ALMS1: variants seen among roughly 807,000 people sequenced by gnomAD.
ALMS1 encodes ALMS1 centrosome and basal body associated protein, also known as centrosome-associated protein ALMS1.
In ALMS1, 271 loss-of-function variants were observed where a neutral mutation model predicts 352.2. The observed-to-expected ratio is 0.77, with a 90% confidence interval of 0.70 to 0.85. The LOEUF is 0.85. ALMS1 is among the 40% of genes least tolerant of loss of function. ALMS1 has a pLI of 0.00. For synonymous variants in ALMS1, 1,865 were observed against 1,761.2 expected, an observed-to-expected ratio of 1.06 and a Z score of -1.48; for missense variants, 5,445 against 4,870.7, an observed-to-expected ratio of 1.12 and a Z score of -3.51.
intron 7 of ALMS1, among the ~76,000 whole-genome samples, chr2:73,435,498 A>G (rs1472538301): frequency 6.6e-6 from 1 of 151,118 alleles, no homozygotes; most frequent in Non-Finnish European, 1.5e-5. Context: ...ACTTAATTCT[A>G]GTATGGTACA....
intron 16 of ALMS1, among the ~76,000 whole-genome samples, chr2:73,581,840 G>A (rs910598827): frequency 6.6e-6 from 1 of 151,916 alleles, no homozygotes; most frequent in East Asian, 1.9e-4. Flanking sequence ...TGCCTCCTGG[G>A]TTCAAGCGAT....
chr2:73,414,489 G>GTTTTTTTTTTTTCTT (rs11395837), intron 2 of ALMS1, among the ~76,000 whole-genome samples: 1 of 94,246 alleles, frequency 1.1e-5, no homozygotes, highest in Non-Finnish European at 2.0e-5. Context: ...TTTTTTTTTT[G>GTTTTTTTTTTTTCTT]TTTTTTTTTT....
At chr2:73,606,437 A>C (rs1414542913) in intron 21 of ALMS1, among the ~76,000 whole-genome samples, 3 of 152,226 alleles carry the variant, frequency 2.0e-5, no homozygotes, top group African/African-American at 7.2e-5. Context: ...CACCTCAGCA[A>C]GAGCAGTCCC....
intron 9 of ALMS1, among the ~76,000 whole-genome samples, chr2:73,472,720 G>A (rs574938048): frequency 1.0e-3 from 158 of 152,156 alleles, no homozygotes; most frequent in Non-Finnish European, 1.4e-3. Context: ...TTTGAAGACA[G>A]CAGCTTATAC....
Position 73,490,250 on chromosome 2 carries a change from T to C in ALMS1, c.8291T>C (p.Leu2764Pro). The C allele has an allele frequency of 6.2e-7, 1 of 1,614,128 alleles. No homozygotes were observed. Among genetic ancestry groups the C allele is most frequent in the South Asian group, 1.1e-5 (1 of 91,060 alleles). ...FTEEQNPPRD[L>P]KQKTSSPSSF... is the part of the protein sequence containing the mutation. ...GAAGAACAAAATCCTCCCAGAGATC[T>C]TAAACAGAAAACCTCTTCCCCTTCA... Residue 2764 changes from leucine to proline, a missense_variant, in exon 10 of 23, where the codon CTT (leucine) becomes CCT (proline). By Grantham distance (98) the Leu-to-Pro change is moderately conservative. Coordinates refer to ENST00000613296, the MANE Select transcript of ALMS1 (RefSeq NM_001378454.1).
intron 13 of ALMS1, among the ~76,000 whole-genome samples, chr2:73,551,529 C>T (rs971755497): frequency 4.0e-5 from 6 of 150,062 alleles, no homozygotes; most frequent in African/African-American, 1.2e-4. Flanking sequence ...CTTCACCTCC[C>T]GGGTTCAAGC....
chr2:73,582,919 G>A (rs981399327), intron 16 of ALMS1, among the ~76,000 whole-genome samples: 1 of 152,078 alleles, frequency 6.6e-6, no homozygotes, highest in African/African-American at 2.4e-5. Context: ...ATCATATATA[G>A]TAGTTCTATT....
Position 73,410,527 on chromosome 2 carries a change from A to G in ALMS1, c.450+1780A>G, listed in dbSNP as rs1231331997. Among the ~76,000 whole-genome samples, 8 of 152,320 alleles carry G rather than the reference A, an allele frequency of 5.3e-5. No individual in the cohort carries two copies. In the East Asian group the frequency reaches 7.7e-4, roughly 15 times the overall value. ...AGTCATTTTGATACATAAATTACCT[A>G]TCATAGCTGGATTCTCAGTCTGCTC... is the stretch of plus-strand genomic sequence containing the variant. On this transcript the variant is annotated intron_variant, in intron 2 of 22. Transcript: ENST00000613296.
chr2:73,433,823 A>G (rs957150514), intron 7 of ALMS1, among the ~76,000 whole-genome samples: 2 of 152,182 alleles, frequency 1.3e-5, no homozygotes, highest in African/African-American at 2.4e-5. Flanking sequence ...TATATTTTTC[A>G]TGAATCAGCT....
intron 16 of ALMS1, among the ~76,000 whole-genome samples, chr2:73,596,637 A>G (rs1675555326): frequency 6.7e-6 from 1 of 150,172 alleles, no homozygotes; most frequent in Admixed American, 6.6e-5. Context: ...ACACCCAGCT[A>G]ATTTTTGTAT....
intron 21 of ALMS1, among the ~76,000 whole-genome samples, chr2:73,604,899 CATT>C (rs1340744925): frequency 1.3e-5 from 2 of 152,164 alleles, no homozygotes; most frequent in Non-Finnish European, 2.9e-5. Flanking sequence ...GTCTAGTAGG[CATT>C]GTATCCTGCA....
chr2:73,459,932 A>AC (rs1230270604), intron 9 of ALMS1, among the ~76,000 whole-genome samples: 4 of 145,538 alleles, frequency 2.7e-5, no homozygotes, highest in Non-Finnish European at 4.6e-5. Context: ...AATTACACGC[A>AC]CCCCCCTCTC....
intron 11 of ALMS1, among the ~76,000 whole-genome samples, chr2:73,528,500 T>C (rs1181862973): frequency 7.9e-5 from 12 of 152,244 alleles, no homozygotes; most frequent in Admixed American, 4.6e-4. Flanking sequence ...TTTTATAATT[T>C]TTGTCTTAAA....
chr2:73,402,040 G>A (rs1670883369), intron 1 of ALMS1, among the ~76,000 whole-genome samples: 1 of 138,930 alleles, frequency 7.2e-6, no homozygotes, highest in South Asian at 2.2e-4. Flanking sequence ...TGTTATGTGT[G>A]TGTGTGTGTG....
chr2:73,453,051 C>T lies in ALMS1; in HGVS notation c.6524C>T (p.Ala2175Val), dbSNP rs549259627. ...AAGATCTCAAGTGCTCTTGGGCAAG[C>T]TGATCAAATTACCGGATTACAAACA... Reference protein sequence around the residue: ...ALKISSALGQADQITGLQTVP... With the variant: ...ALKISSALGQVDQITGLQTVP... The change falls in exon 8 of 23, where the codon GCT (alanine) becomes GTT (valine). Residue 2175 changes from alanine to valine, a missense_variant. Transcript: ENST00000613296. 1.1e-5 allele frequency: 18 copies of T among 1,613,846 alleles called. No individual in the cohort carries two copies. The highest frequency in any genetic ancestry group is 1.7e-5 in the Admixed American group (1 of 59,998).
intron 10 of ALMS1, among the ~76,000 whole-genome samples, chr2:73,515,804 CAA>C (rs1673544099): frequency 1.3e-5 from 2 of 149,678 alleles, no homozygotes; most frequent in Admixed American, 6.7e-5. Context: ...CACACACACA[CAA>C]ACTCAGAGAC....
chr2:73,426,563 A>G lies in ALMS1; in HGVS notation c.1338+10A>G, dbSNP rs1430183145. ...TGAACTACAAAGAAAGGTGAGACAC[A>G]ATAAAATGATAGTTGTAAGAAACGT... On this transcript the variant is annotated intron_variant, in intron 6 of 22. Transcript: ENST00000613296. 1.2e-6 allele frequency: 2 copies of G among 1,612,596 alleles called. No homozygotes were observed. Among genetic ancestry groups the G allele is most frequent in the East Asian group, 4.5e-5 (2 of 44,868 alleles).
chr2:73,543,665 T>C (rs529347145), intron 12 of ALMS1, among the ~76,000 whole-genome samples: 3 of 152,042 alleles, frequency 2.0e-5, no homozygotes, highest in South Asian at 4.2e-4. Context: ...CCAACAAATA[T>C]ACAAGAAAGA....
rs200039849 is a variant in ALMS1 at position 73,489,776 on chromosome 2, C to A, written c.7817C>A (p.Ser2606Tyr). ...GATAGACACCCTTGTGCTTTCAGAT[C>A]TGCTGGACCCTCAGAAATGACCAGA... ...QLDRHPCAFR[S>Y]AGPSEMTRGR... The change falls in exon 10 of 23, where the codon TCT becomes TAT. Residue 2606 changes from serine (S) to tyrosine (Y), a missense_variant. Ser to Tyr is a moderately radical substitution (Grantham distance 144). Transcript: ENST00000613296. 3.1e-6 allele frequency: 5 copies of A among 1,614,052 alleles called. No homozygotes were observed. Among genetic ancestry groups the A allele is most frequent in the Non-Finnish European group, 4.2e-6 (5 of 1,180,038 alleles).
Sources: allele counts gnomAD v4.1 joint callset (sites outside exome capture counted in the v4.1 genomes callset), GRCh38; gene constraint gnomAD v4.1.1; transcripts MANE v1.5; gene names NCBI Gene and HGNC (gene_info 2026-07-23, HGNC 2026-07-21).